NTNG1: variants seen among roughly 807,000 people sequenced by gnomAD.
NTNG1 encodes the protein netrin-G1.
In NTNG1, 16 loss-of-function variants were observed where a neutral mutation model predicts 54.0. The ratio of observed to expected loss-of-function variants is 0.30; its 90% CI spans 0.20 to 0.45. The LOEUF is 0.45. Ranked by LOEUF, NTNG1 falls within the 20% of genes least tolerant of loss-of-function variation. The pLI is 1.00. For missense variants in NTNG1, 530 were observed against 678.7 expected (o/e 0.78, Z 2.43); for synonymous variants, 255 against 263.1 (o/e 0.97, Z 0.30).
intron 3 of NTNG1, among the ~76,000 whole-genome samples, chr1:107,353,972 A>G (rs1669782050): frequency 6.6e-6 from 1 of 152,140 alleles, no homozygotes; most frequent in Non-Finnish European, 1.5e-5. Context: ...TCATGAAACC[A>G]ACACCAAGGG....
intron 2 of NTNG1, among the ~76,000 whole-genome samples, chr1:107,314,387 G>A (rs1395607006): frequency 6.6e-6 from 1 of 151,972 alleles, no homozygotes; most frequent in Non-Finnish European, 1.5e-5. Flanking sequence ...CAAAGAGGGA[G>A]AATCCGTCTC....
At chr1:107,241,606 G>A (rs754695470) in intron 2 of NTNG1, among the ~76,000 whole-genome samples, 4 of 152,118 alleles carry the variant, frequency 2.6e-5, no homozygotes, top group Non-Finnish European at 5.9e-5. Context: ...ACTCAAACAG[G>A]ACAAAGCATC....
At chr1:107,338,738 T>G (rs1668735133) in intron 3 of NTNG1, among the ~76,000 whole-genome samples, 1 of 151,530 alleles carries the variant, frequency 6.6e-6, no homozygotes, top group South Asian at 2.1e-4. Flanking sequence ...GAACTAAATA[T>G]CAAAACAATT....
intron 5 of NTNG1, chr1:107,410,207 A>G (rs1345065204): frequency 6.6e-6 from 1 of 152,152 alleles, no homozygotes; most frequent in African/African-American, 2.4e-5. Flanking sequence ...AAAATAAATG[A>G]TGTATATTAT....
intron 2 of NTNG1, among the ~76,000 whole-genome samples, chr1:107,226,304 GT>G (rs1203135250): frequency 2.0e-5 from 3 of 152,120 alleles, no homozygotes; most frequent in East Asian, 3.9e-4. Context: ...ACTATTTTAG[GT>G]TTTTTTCTTC....
At chr1:107,434,818 A>G (rs1371088023) in intron 6 of NTNG1, among the ~76,000 whole-genome samples, 1 of 152,138 alleles carries the variant, frequency 6.6e-6, no homozygotes, top group African/African-American at 2.4e-5. Flanking sequence ...GACTCTTTGC[A>G]TTACTCCAAT....
intron 2 of NTNG1, among the ~76,000 whole-genome samples, chr1:107,213,597 C>A (rs1460149437): frequency 2.6e-5 from 4 of 152,104 alleles, no homozygotes; most frequent in African/African-American, 9.7e-5. Flanking sequence ...CTCAGTGATA[C>A]TTTGGACTTA....
intron 3 of NTNG1, among the ~76,000 whole-genome samples, chr1:107,330,280 A>G (rs1341544406): frequency 6.6e-6 from 1 of 152,168 alleles, no homozygotes; most frequent in Non-Finnish European, 1.5e-5. Flanking sequence ...AAGAAACCCA[A>G]AATCTTATGG....
intron 2 of NTNG1, among the ~76,000 whole-genome samples, chr1:107,210,660 T>C (rs995281225): frequency 6.6e-6 from 1 of 152,188 alleles, no homozygotes; most frequent in African/African-American, 2.4e-5. Flanking sequence ...TTTAGATTAG[T>C]TGATCTTTAA....
intron 2 of NTNG1, among the ~76,000 whole-genome samples, chr1:107,237,773 G>A (rs899746314): frequency 6.6e-6 from 1 of 152,178 alleles, no homozygotes; most frequent in Non-Finnish European, 1.5e-5. Context: ...GCCTGCAAAT[G>A]CACAGAAGTC....
intron 2 of NTNG1, among the ~76,000 whole-genome samples, chr1:107,307,638 GAA>G (rs1666768148): frequency 6.6e-6 from 1 of 152,212 alleles, no homozygotes; most frequent in Non-Finnish European, 1.5e-5. Context: ...TTTCCCAATA[GAA>G]AAATTATTTG....
intron 2 of NTNG1, among the ~76,000 whole-genome samples, chr1:107,202,107 A>T (rs1463445580): frequency 6.6e-6 from 1 of 151,742 alleles, no homozygotes; most frequent in African/African-American, 2.4e-5. Flanking sequence ...AAGAGTTTTT[A>T]AAAAACCTTT....
intron 2 of NTNG1, among the ~76,000 whole-genome samples, chr1:107,286,739 G>T (rs1037134185): frequency 1.3e-5 from 2 of 152,040 alleles, no homozygotes; most frequent in Non-Finnish European, 2.9e-5. Context: ...TTTGTCTGCT[G>T]GTAGTAAGTT....
chr1:107,421,199 T>C, intron 5 of NTNG1: 1 of 1,200,852 alleles, frequency 8.3e-7, no homozygotes, highest in Non-Finnish European at 1.2e-6. Context: ...TGTGAAACAT[T>C]GCACTGTATG....
intron 3 of NTNG1, among the ~76,000 whole-genome samples, chr1:107,369,501 T>C (rs72985585): frequency 3.0e-4 from 46 of 152,254 alleles, no homozygotes; most frequent in African/African-American, 1.1e-3. Flanking sequence ...AATAACTAAT[T>C]GCATTGAACA....
chr1:107,427,425 G>A lies in NTNG1; in HGVS notation c.1088-3325G>A, dbSNP rs1432062067. On this transcript the variant is annotated intron_variant, in intron 5 of 7. Coordinates refer to ENST00000370068, the MANE Select transcript of NTNG1 (RefSeq NM_001113226.3). ...TATCATCCCTTCAGAAACTTAGTAG[G>A]ATAATGCAACTCAAGCTGTACCTTA... Among the ~76,000 whole-genome samples, 3 of 152,052 alleles carry A rather than the reference G, an allele frequency of 2.0e-5. No homozygotes were observed. The South Asian group carries it at 6.2e-4, about 31-fold the overall frequency.
At position 107,155,298 on chromosome 1, in the gene NTNG1, C is replaced by G. The variant is rs142061628; in HGVS notation, c.246+6459C>G. Among the ~76,000 whole-genome samples the G allele has an allele frequency of 1.2e-3, 178 of 151,944 alleles. 1 individual carries two copies. The highest frequency in any genetic ancestry group is 4.1e-3 in the African/African-American group (168 of 41,450). On this transcript the variant is annotated intron_variant, in intron 2 of 7. Transcript: ENST00000370068. ...CTAGGAGGACAAGCAGAAGACATTT[C>G]TTCTGTTTGGCATAGTCCGTGCTCT...
At chr1:107,202,249 A>G (rs574089821) in intron 2 of NTNG1, among the ~76,000 whole-genome samples, 39 of 151,774 alleles carry the variant, frequency 2.6e-4, no homozygotes, top group African/African-American at 7.7e-4. Flanking sequence ...ACTTTTTCCT[A>G]TTTTCAAATC....
At chr1:107,217,151 T>A (rs1660023208) in intron 2 of NTNG1, among the ~76,000 whole-genome samples, 1 of 152,208 alleles carries the variant, frequency 6.6e-6, no homozygotes, top group Non-Finnish European at 1.5e-5. Context: ...AGAGTTTCTA[T>A]TTCTTCCTGG....
Sources: allele counts gnomAD v4.1 joint callset (sites outside exome capture counted in the v4.1 genomes callset), GRCh38; gene constraint gnomAD v4.1.1; transcripts MANE v1.5; gene names NCBI Gene and HGNC (gene_info 2026-07-23, HGNC 2026-07-21).